DUSP5: variants seen among roughly 807,000 people sequenced by gnomAD.
The protein encoded by DUSP5 is dual specificity protein phosphatase 5.
In DUSP5, 22 loss-of-function variants were observed where a neutral mutation model predicts 33.6. The ratio of observed to expected loss-of-function variants is 0.66; its 90% CI spans 0.47 to 0.94. The LOEUF (loss-of-function observed/expected upper bound fraction) is 0.94, where lower values mean the gene tolerates loss of function less well. Ranked by LOEUF, DUSP5 falls within the 40% of genes least tolerant of loss-of-function variation. The probability of loss-of-function intolerance (pLI) is 0.00; values close to 1 mark genes in which losing one functional copy is unlikely to be tolerated. For synonymous variants in DUSP5, 270 were observed against 231.1 expected, an observed-to-expected ratio of 1.17 and a Z score of -1.53; for missense variants, 551 against 522.1, an observed-to-expected ratio of 1.06 and a Z score of -0.54.
Position 110,501,972 on chromosome 10 carries a change from G to GC in DUSP5, c.380-749_380-748insC, listed in dbSNP as rs1259908482. ...GTAAGTTGACTTATTGATTGGGGGG[G>GC]GGGTGCAGGAGGAGTAGGAGAGAAG... On this transcript the variant is annotated intron_variant, in intron 1 of 3. Transcript: ENST00000369583. Among the ~76,000 whole-genome samples, 29 of 151,640 alleles carry GC rather than the reference G, an allele frequency of 1.9e-4. No individual in the cohort carries two copies. In the East Asian group the frequency reaches 5.1e-3, roughly 26 times the overall value.
At chr10:110,501,394 G>A (rs973914055) in intron 1 of DUSP5, among the ~76,000 whole-genome samples, 1 of 152,166 alleles carries the variant, frequency 6.6e-6, no homozygotes, top group African/African-American at 2.4e-5. Flanking sequence ...AGATCTGGGT[G>A]TACTAAGTGG....
chr10:110,505,814 C>T (rs1860109951), intron 2 of DUSP5, among the ~76,000 whole-genome samples: 1 of 152,160 alleles, frequency 6.6e-6, no homozygotes, highest in South Asian at 2.1e-4. Context: ...GTCTAACCAG[C>T]GGTTCATTTT....
chr10:110,501,757 C>T (rs1418178922), intron 1 of DUSP5, among the ~76,000 whole-genome samples: 1 of 152,162 alleles, frequency 6.6e-6, no homozygotes, highest in African/African-American at 2.4e-5. Context: ...GCCTGTTGCA[C>T]CTGGCAGCCC....
rs1860193388 is a variant in DUSP5 at position 110,511,481 on chromosome 10, C to CTGG, written c.*1057_*1059dup. On this transcript the variant is annotated 3_prime_UTR_variant, in exon 4 of 4. Coordinates refer to ENST00000369583, the MANE Select transcript of DUSP5 (RefSeq NM_004419.4). ...GAATGTGAAGAAAAGCAGTATGTTA[C>CTGG]TGGTTGTTGTTGTTGTTCTTGTTTT... 6.6e-6 allele frequency: 1 copy of CTGG among 150,998 alleles called. No individual in the cohort carries two copies. The highest frequency in any genetic ancestry group is 2.4e-5 in the African/African-American group (1 of 41,290). The allele number at this position is 150,998 out of a possible 1,614,324, so 9.4% of individuals were successfully genotyped here. A position where few individuals can be genotyped will look rare whatever the true frequency, so the allele number is the denominator to read the frequency against.
In DUSP5 at chr10:110,502,790, AGATT is replaced by A; in HGVS notation, c.452_455del (p.Ile151ArgfsTer15). ...GATGTAAAACCCATTTCACAAGAGA[AGATT>A]GAGAGTGAGAGAGCCCTCATCAGCC... On this transcript the variant is annotated frameshift_variant, in exon 2 of 4. Coordinates refer to ENST00000369583, the MANE Select transcript of DUSP5 (RefSeq NM_004419.4). LOFTEE classifies it high-confidence loss of function. 4 of 1,614,172 alleles carry A rather than the reference AGATT, an allele frequency of 2.5e-6. No homozygotes were observed. The highest frequency in any genetic ancestry group is 3.4e-6 in the Non-Finnish European group (4 of 1,180,030).
At position 110,510,103 on chromosome 10, in the gene DUSP5, C is replaced by G. The variant is rs573917228; in HGVS notation, c.832C>G (p.Leu278Val). ...SRSPTICMAY[L>V]MKTKQFRLKE... ...TTCACCCACCATCTGCATGGCTTAC[C>G]TTATGAAGACCAAGCAGTTCCGCCT... The change falls in exon 4 of 4, where the codon CTT becomes GTT. Residue 278 changes from leucine to valine, a missense_variant. This residue lies in a region of DUSP5 where 158 missense variants were observed against 181.8 expected (regional missense o/e 0.87). Coordinates refer to ENST00000369583, the MANE Select transcript of DUSP5 (RefSeq NM_004419.4). 10 of 1,614,226 alleles carry G rather than the reference C, an allele frequency of 6.2e-6. No individual in the cohort carries two copies. The African/African-American group carries it at 1.3e-4, about 22-fold the overall frequency.
chr10:110,501,453 A>C (rs1860047268), intron 1 of DUSP5, among the ~76,000 whole-genome samples: 1 of 151,868 alleles, frequency 6.6e-6, no homozygotes, highest in South Asian at 2.1e-4. Flanking sequence ...TGGCAAGATG[A>C]CTCATTCTAG....
At chr10:110,505,299 T>C (rs1860104789) in intron 2 of DUSP5, among the ~76,000 whole-genome samples, 1 of 152,334 alleles carries the variant, frequency 6.6e-6, no homozygotes, top group South Asian at 2.1e-4. Flanking sequence ...GAGCCTCAAG[T>C]TGCCCATCCG....
At chr10:110,509,646 C>A (rs1860161795) in intron 3 of DUSP5, among the ~76,000 whole-genome samples, 1 of 152,182 alleles carries the variant, frequency 6.6e-6, no homozygotes. Context: ...TTTCCAATGC[C>A]CTCTTGGAAC....
intron 3 of DUSP5, among the ~76,000 whole-genome samples, chr10:110,507,839 C>T (rs2134663626): frequency 6.6e-6 from 1 of 152,330 alleles, no homozygotes; most frequent in East Asian, 1.9e-4. Context: ...CTCTGTGTTG[C>T]CTGGATTGTT....
Position 110,498,094 on chromosome 10 carries a change from G to T in DUSP5, c.-28G>T. 1 of 1,230,332 alleles carries T rather than the reference G, an allele frequency of 8.1e-7. No homozygotes were observed. The highest frequency in any genetic ancestry group is 4.2e-5 in the East Asian group (1 of 23,882). The allele number at this position is 1,230,332 out of a possible 1,614,324, so 76.2% of individuals were successfully genotyped here. On this transcript the variant is annotated 5_prime_UTR_variant, in exon 1 of 4. Coordinates refer to ENST00000369583, the MANE Select transcript of DUSP5 (RefSeq NM_004419.4). ...TGGGCACCCGCGGGGCGCGCGGCGC[G>T]GGGCCGCTGGCCGGCGGCGGCGGCG...
chr10:110,511,355 C>G lies in DUSP5; in HGVS notation c.*929C>G, dbSNP rs1413801665. ...GAGGTTGTCTTCAAGCTGTGGACTT[C>G]TGGGATTTGCAGATTTTGCAACGTG... is the stretch of plus-strand genomic sequence containing the variant. On this transcript the variant is annotated 3_prime_UTR_variant, in exon 4 of 4. Coordinates refer to ENST00000369583, the MANE Select transcript of DUSP5 (RefSeq NM_004419.4). The G allele has an allele frequency of 2.6e-5, 4 of 152,526 alleles. No individual in the cohort carries two copies. The highest frequency in any genetic ancestry group is 9.7e-5 in the African/African-American group (4 of 41,386). 9.4% of individuals were successfully genotyped at this position (152,526 alleles called of 1,614,324 possible).
intron 1 of DUSP5, among the ~76,000 whole-genome samples, chr10:110,501,109 C>T (rs1286892743): frequency 9.2e-5 from 14 of 152,162 alleles, no homozygotes; most frequent in African/African-American, 4.8e-5. Flanking sequence ...CCCATAATGT[C>T]GAGGTCCAGG....
Position 110,502,950 on chromosome 10 carries a change from TC to T in DUSP5, c.528+82del, listed in dbSNP as rs1000300345. The T allele has an allele frequency of 1.9e-6, 3 of 1,562,714 alleles. No homozygotes were observed. The African/African-American group carries it at 4.1e-5, about 21-fold the overall frequency. ...CCTTCCTTCCTCAGCACCTGACTGT[TC>T]TCTCCCCACTCAGCAATGATGGTTA... On this transcript the variant is annotated intron_variant, in intron 2 of 3. Transcript: ENST00000369583.
Position 110,510,527 on chromosome 10 carries a change from C to A in DUSP5, c.*101C>A. Reference sequence around the variant, plus strand: ...CCTGTGCAATACTGAAGACCTCATTCTGTCATGCTGCCCCAGTGAGATAGT... The same window carrying A: ...CCTGTGCAATACTGAAGACCTCATTATGTCATGCTGCCCCAGTGAGATAGT... On this transcript the variant is annotated 3_prime_UTR_variant, in exon 4 of 4. Transcript: ENST00000369583. The A allele has an allele frequency of 7.3e-7, 1 of 1,377,636 alleles. No individual in the cohort carries two copies. The highest frequency in any genetic ancestry group is 9.6e-7 in the Non-Finnish European group (1 of 1,043,838). The allele number at this position is 1,377,636 out of a possible 1,614,324, so 85.3% of individuals were successfully genotyped here.
chr10:110,504,518 A>G (rs1468988294), intron 2 of DUSP5, among the ~76,000 whole-genome samples: 5 of 152,218 alleles, frequency 3.3e-5, no homozygotes, highest in South Asian at 2.1e-4. Flanking sequence ...TCTTGAGTCA[A>G]CCATCCAGCC....
rs554298609 is a variant in DUSP5, at chr10:110,506,338, G to A, written c.529-597G>A. 7.2e-5 allele frequency among the ~76,000 whole-genome samples: 11 copies of A among 152,254 alleles called. No individual in the cohort carries two copies. The South Asian group carries it at 1.2e-3, about 17-fold the overall frequency. On this transcript the variant is annotated intron_variant, in intron 2 of 3. Transcript: ENST00000369583. ...GCCCAGCTACTCGGGAGACTGAGAC[G>A]GTAGGATCTCTTCAGCGTAGGAATT...
chr10:110,498,282 G>C lies in DUSP5; in HGVS notation c.161G>C (p.Arg54Pro). The change falls in exon 1 of 4, where the codon CGG becomes CCG. Residue 54 changes from arginine (R) to proline (P), a missense_variant. Arg to Pro is a moderately radical substitution (Grantham distance 103). Coordinates refer to ENST00000369583, the MANE Select transcript of DUSP5 (RefSeq NM_004419.4). ...NVNLNSVVLR[R>P]ARGGAVSARY... is the part of the protein sequence containing the mutation. ...AACCTCAACTCGGTGGTGCTGCGGCGGGCCCGGGGCGGCGCGGTGTCGGCG... is the reference window on the plus strand; with the variant it reads ...AACCTCAACTCGGTGGTGCTGCGGCCGGCCCGGGGCGGCGCGGTGTCGGCG... 6.2e-6 allele frequency: 9 copies of C among 1,452,226 alleles called. No homozygotes were observed. Among genetic ancestry groups the C allele is most frequent in the Non-Finnish European group, 8.2e-6 (9 of 1,095,790 alleles). The allele number at this position is 1,452,226 out of a possible 1,614,324, so 90.0% of individuals were successfully genotyped here. A position where few individuals can be genotyped will look rare whatever the true frequency, so the allele number is the denominator to read the frequency against.
chr10:110,501,256 T>A (rs934031817), intron 1 of DUSP5, among the ~76,000 whole-genome samples: 7 of 152,200 alleles, frequency 4.6e-5, no homozygotes, highest in Non-Finnish European at 1.0e-4. Context: ...CATGGGAAGC[T>A]AAGCTGCCTA....
Sources: gnomAD v4.1 joint callset for allele counts (sites outside exome capture counted in the v4.1 genomes callset) on GRCh38, gnomAD v4.1.1 for gene constraint, gnomAD v4.1.1 regional missense constraint, MANE v1.5 for transcripts, NCBI Gene and HGNC (gene_info 2026-07-23, HGNC 2026-07-21) for gene names.